MAST4: variants seen among roughly 807,000 people sequenced by gnomAD.
MAST4 encodes the protein microtubule-associated serine/threonine-protein kinase 4.
MAST4 carries 89 observed loss-of-function variants against 162.7 expected under a neutral mutation model. The ratio of observed to expected loss-of-function variants is 0.55; its 90% CI spans 0.46 to 0.65. The LOEUF is 0.65. Among genes scored for constraint, MAST4 ranks in the 30% least tolerant of loss-of-function variants. The pLI is 0.00. For synonymous variants in MAST4, 1,479 were observed against 1,361.1 expected (o/e 1.09, Z -1.91); for missense variants, 3,153 against 3,374.0 (o/e 0.93, Z 1.62).
rs530576186 is a variant in MAST4, at chr5:66,635,946, G to GTTTTTT, written c.363+38952_363+38957dup. On this transcript the variant is annotated intron_variant, in intron 1 of 28. Coordinates refer to ENST00000403625, the MANE Select transcript of MAST4 (RefSeq NM_001164664.2). The stretch of plus-strand genomic sequence containing the variant: ...AAAATCACTGCATAAGATAGAGACT[G>GTTTTTT]TTTTTTTTTTTTTTTTTTTTTTTTT... Among the ~76,000 whole-genome samples, 19 of 41,302 alleles carry GTTTTTT rather than the reference G, an allele frequency of 4.6e-4. 6 individuals are homozygous for GTTTTTT. Among genetic ancestry groups the GTTTTTT allele is most frequent in the East Asian group, 1.8e-3 (2 of 1,118 alleles). The allele number at this position is 41,302 out of a possible 152,430, so 27.1% of individuals were successfully genotyped here.
chr5:66,750,489 G>A (rs147567455), intron 1 of MAST4, among the ~76,000 whole-genome samples: 4,174 of 152,314 alleles, frequency 0.027, 125 homozygotes, highest in South Asian at 0.12. Context: ...CTTGGGAAGC[G>A]CAAGGGGTCA....
intron 4 of MAST4, among the ~76,000 whole-genome samples, chr5:67,010,116 C>A (rs1752500427): frequency 6.6e-6 from 1 of 152,150 alleles, no homozygotes; most frequent in Non-Finnish European, 1.5e-5. Flanking sequence ...TATTGAAGAT[C>A]TGTTGTGCAC....
intron 4 of MAST4, among the ~76,000 whole-genome samples, chr5:66,924,340 T>TA (rs1764733554): frequency 6.6e-6 from 1 of 151,772 alleles, no homozygotes; most frequent in Non-Finnish European, 1.5e-5. Flanking sequence ...ATCTTTTGAG[T>TA]AAAAAAATAG....
intron 1 of MAST4, among the ~76,000 whole-genome samples, chr5:66,631,513 C>T (rs1445146426): frequency 1.3e-5 from 2 of 152,090 alleles, no homozygotes; most frequent in Non-Finnish European, 2.9e-5. Context: ...TGAGTGTCAC[C>T]GTGAGCTGTG....
intron 6 of MAST4, among the ~76,000 whole-genome samples, chr5:67,090,918 G>T (rs1304767430): frequency 1.3e-5 from 2 of 151,530 alleles, no homozygotes; most frequent in Non-Finnish European, 2.9e-5. Flanking sequence ...ACCTTCCTGG[G>T]CTCCTTCATC....
At chr5:66,728,369 GA>G (rs1266086063) in intron 1 of MAST4, among the ~76,000 whole-genome samples, 1 of 152,168 alleles carries the variant, frequency 6.6e-6, no homozygotes, top group Non-Finnish European at 1.5e-5. Flanking sequence ...TCCAAGTTGA[GA>G]TGGTTCCGTA....
chr5:67,165,278 G>A lies in MAST4; in HGVS notation c.6099G>A (p.Glu2033=). 1.2e-6 allele frequency: 2 copies of A among 1,613,432 alleles called. No homozygotes were observed. Among genetic ancestry groups the A allele is most frequent in the Non-Finnish European group, 1.7e-6 (2 of 1,179,862 alleles). ...TCTATACACAGACCCAGGCCATGGA[G>A]AAAGCATGGGCGCCGGGTGGGAAAA... is the stretch of plus-strand genomic sequence containing the variant. ...PDFYTQTQAM[E]KAWAPGGKTN... The change falls in exon 29 of 29, where the codon GAG becomes GAA. Residue 2033 remains glutamate (E), a synonymous_variant. Coordinates refer to ENST00000403625, the MANE Select transcript of MAST4 (RefSeq NM_001164664.2).
chr5:66,657,956 T>A (rs746246579), intron 1 of MAST4, among the ~76,000 whole-genome samples: 5 of 152,226 alleles, frequency 3.3e-5, no homozygotes, highest in Admixed American at 6.5e-5. Context: ...TGGGGGAATA[T>A]GTTTGTGTTA....
chr5:66,838,302 C>T (rs576052366), intron 3 of MAST4, among the ~76,000 whole-genome samples: 1 of 152,232 alleles, frequency 6.6e-6, no homozygotes, highest in Non-Finnish European at 1.5e-5. Context: ...GCTCTCAAAA[C>T]ATTGGCTATT....
intron 12 of MAST4, among the ~76,000 whole-genome samples, chr5:67,116,847 G>A (rs1766981898): frequency 6.6e-6 from 1 of 152,012 alleles, no homozygotes; most frequent in African/African-American, 2.4e-5. Flanking sequence ...TACAGACTCT[G>A]ATTGTTCTAC....
intron 1 of MAST4, among the ~76,000 whole-genome samples, chr5:66,733,408 A>G (rs747026633): frequency 8.5e-5 from 13 of 152,142 alleles, no homozygotes; most frequent in Non-Finnish European, 1.8e-4. Flanking sequence ...CCTACCACAG[A>G]AATTCATCTT....
intron 1 of MAST4, among the ~76,000 whole-genome samples, chr5:66,725,413 A>C (rs1334938561): frequency 6.6e-6 from 1 of 152,186 alleles, no homozygotes; most frequent in Non-Finnish European, 1.5e-5. Context: ...CCAAAGAATA[A>C]GATGCCTGAT....
intron 4 of MAST4, chr5:66,930,974 G>C (rs988732106): frequency 2.4e-5 from 5 of 204,172 alleles, no homozygotes; most frequent in Non-Finnish European, 5.2e-5. Flanking sequence ...TATCTGTCTT[G>C]AATTATTCAT....
intron 1 of MAST4, among the ~76,000 whole-genome samples, chr5:66,660,513 T>C (rs1225847127): frequency 6.6e-6 from 1 of 152,218 alleles, no homozygotes; most frequent in East Asian, 1.9e-4. Context: ...AAGCCTCACA[T>C]CATCTCCAGC....
intron 3 of MAST4, among the ~76,000 whole-genome samples, chr5:66,892,973 G>A (rs1205087663): frequency 2.0e-5 from 3 of 152,208 alleles, no homozygotes; most frequent in Non-Finnish European, 2.9e-5. Context: ...ATCATGACTC[G>A]GAGACTTTGT....
chr5:67,134,998 C>T (rs1229524466), intron 18 of MAST4, among the ~76,000 whole-genome samples: 2 of 152,046 alleles, frequency 1.3e-5, no homozygotes, highest in African/African-American at 4.8e-5. Context: ...ATTTAATTGC[C>T]GTCCAGTCTT....
chr5:67,071,521 G>C (rs1045948108), intron 5 of MAST4, among the ~76,000 whole-genome samples: 1 of 151,562 alleles, frequency 6.6e-6, no homozygotes, highest in African/African-American at 2.4e-5. Flanking sequence ...GGAAGGCCAA[G>C]GGGGGGGCGG....
chr5:66,699,191 G>C lies in MAST4; in HGVS notation c.364-60518G>C, dbSNP rs1460328878. Reference sequence around the variant, plus strand: ...TCACTGGTACCCTGTTCTCATCTCAGAGTCTTTGGGTTTGCTGTTATTTCT... The same window carrying C: ...TCACTGGTACCCTGTTCTCATCTCACAGTCTTTGGGTTTGCTGTTATTTCT... On this transcript the variant is annotated intron_variant, in intron 1 of 28. Transcript: ENST00000403625. 2.0e-5 allele frequency among the ~76,000 whole-genome samples: 3 copies of C among 152,208 alleles called. No homozygotes were observed. In the East Asian group the frequency reaches 5.8e-4, roughly 29 times the overall value.
intron 5 of MAST4, among the ~76,000 whole-genome samples, chr5:67,058,300 G>T (rs1204479839): frequency 6.6e-6 from 1 of 152,116 alleles, no homozygotes; most frequent in African/African-American, 2.4e-5. Context: ...ATGGGAAAGC[G>T]GTCCCTTTCC....
Sources: gnomAD v4.1 joint callset for allele counts (sites outside exome capture counted in the v4.1 genomes callset) on GRCh38, gnomAD v4.1.1 for gene constraint, MANE v1.5 for transcripts, NCBI Gene and HGNC (gene_info 2026-07-23, HGNC 2026-07-21) for gene names.